Variants in PHKG1 observed in about 807,000 individuals in gnomAD.
PHKG1 encodes phosphorylase kinase catalytic subunit gamma 1, also known as phosphorylase b kinase gamma catalytic chain, skeletal muscle/heart isoform.
PHKG1 carries 48 observed loss-of-function variants against 50.5 expected under a neutral mutation model. The ratio of observed to expected loss-of-function variants is 0.95; its 90% CI spans 0.75 to 1.21. PHKG1 has a LOEUF of 1.21. Ranked by LOEUF, PHKG1 falls within the 50% of genes most tolerant of loss-of-function variation. The probability of loss-of-function intolerance (pLI) is 0.00; values close to 1 mark genes in which losing one functional copy is unlikely to be tolerated. For synonymous variants in PHKG1, 204 were observed against 212.8 expected, an observed-to-expected ratio of 0.96 and a Z score of 0.36; for missense variants, 487 against 519.5, an observed-to-expected ratio of 0.94 and a Z score of 0.61.
intron 3 of PHKG1, 138 bp downstream of exon 3, chr7:56,087,460 G>A (rs1796304727): frequency 6.7e-6 from 5 of 746,972 alleles, no homozygotes; most frequent in Admixed American, 4.9e-5. Flanking sequence ...TTCTATCAGA[G>A]CAGTGAGGGT....
intron 4 of PHKG1, among the ~76,000 whole-genome samples, chr7:56,084,860 A>AGCTGCCTT (rs1349585850): frequency 1.3e-5 from 2 of 152,184 alleles, no homozygotes; most frequent in African/African-American, 2.4e-5. Flanking sequence ...GCAGCATTAA[A>AGCTGCCTT]AATAGCTTCC....
At chr7:56,085,017 G>A (rs2117566506) in intron 4 of PHKG1, among the ~76,000 whole-genome samples, 1 of 152,068 alleles carries the variant, frequency 6.6e-6, no homozygotes, top group Non-Finnish European at 1.5e-5. Flanking sequence ...CTGGAGTGCA[G>A]TGGCACGATC....
rs1795937359 is a variant in PHKG1 at position 56,080,856 on chromosome 7, G to A, written c.*198C>T. The A allele has an allele frequency of 3.1e-6, 2 of 640,912 alleles. No homozygotes were observed. Among genetic ancestry groups the A allele is most frequent in the Non-Finnish European group, 5.3e-6 (2 of 376,142 alleles). The allele number at this position is 640,912 out of a possible 1,614,324, so 39.7% of individuals were successfully genotyped here. A position where few individuals can be genotyped will look rare whatever the true frequency, so the allele number is the denominator to read the frequency against. ...ACCCAGGGCCTGCCCCAGCCTGCAGGTATTGCTGTGTGGTGGGAACACCCA... is the reference window on the plus strand; with the variant it reads ...ACCCAGGGCCTGCCCCAGCCTGCAGATATTGCTGTGTGGTGGGAACACCCA... On this transcript the variant is annotated 3_prime_UTR_variant, in exon 10 of 10. Coordinates refer to ENST00000297373, the MANE Select transcript of PHKG1 (RefSeq NM_006213.5).
chr7:56,090,839 G>A (rs1261634748), intron 1 of PHKG1, among the ~76,000 whole-genome samples: 1 of 152,178 alleles, frequency 6.6e-6, no homozygotes, highest in Non-Finnish European at 1.5e-5. Context: ...ACTCAGGCCT[G>A]TACACAGAGG....
intron 4 of PHKG1, 127 bp from the exon 5 acceptor site, chr7:56,083,842 C>G: frequency 1.4e-6 from 1 of 701,442 alleles, no homozygotes; most frequent in South Asian, 1.6e-5. Context: ...CGTGGAGAAC[C>G]ACAGTCTGGG....
chr7:56,081,118 C>T lies in PHKG1; in HGVS notation c.1100G>A (p.Arg367Gln), dbSNP rs372047445. The change falls in exon 10 of 10, where the codon CGG becomes CAG. Residue 367 changes from arginine (R) to glutamine (Q), a missense_variant. Coordinates refer to ENST00000297373, the MANE Select transcript of PHKG1 (RefSeq NM_006213.5). The surrounding 1 kb of genome is among the most constrained non-coding windows in gnomAD (Gnocchi z 4.6). ...GGGTGTGTTCTCGAAAAGGGCTGCC[C>T]GGTTCTGCTGCTGCCCCTTCTTCAC... Reference protein sequence around the residue: ...HWVKKGQQQNRAALFENTPKA... With the variant: ...HWVKKGQQQNQAALFENTPKA... 33 of 1,613,578 alleles carry T rather than the reference C, an allele frequency of 2.0e-5. No individual in the cohort carries two copies. The highest frequency in any genetic ancestry group is 1.5e-4 in the African/African-American group (11 of 74,904).
rs201025938 is a variant in PHKG1 at position 56,081,644 on chromosome 7, G to A, written c.904C>T (p.Arg302Trp). The stretch of plus-strand genomic sequence containing the variant: ...ACGCTTAGTACCTTGAACTTCCCCC[G>A]GGGGCTGAAGTGCCGCACTTCCTCC... ...LVEEVRHFSPRGKFKVIALTV... is the reference protein window; with the variant it reads ...LVEEVRHFSPWGKFKVIALTV... Residue 302 changes from arginine to tryptophan, a missense_variant, in exon 9 of 10, where the codon CGG becomes TGG. Coordinates refer to ENST00000297373, the MANE Select transcript of PHKG1 (RefSeq NM_006213.5). The surrounding 1 kb of genome is among the most constrained non-coding windows in gnomAD (Gnocchi z 4.6). The A allele has an allele frequency of 3.5e-5, 57 of 1,613,340 alleles. No individual in the cohort carries two copies. Among genetic ancestry groups the A allele is most frequent in the South Asian group, 5.5e-5 (5 of 91,072 alleles).
chr7:56,081,951 C>G lies in PHKG1; in HGVS notation c.734G>C (p.Gly245Ala). The G allele has an allele frequency of 6.2e-7, 1 of 1,613,902 alleles. No homozygotes were observed. The highest frequency in any genetic ancestry group is 8.5e-7 in the Non-Finnish European group (1 of 1,180,016). ...QMLMLRMIMS[G>A]NYQFGSPEWD... Reference sequence around the variant, plus strand: ...CTCGGGCGAGCCAAACTGGTAGTTGCCGCTCATGATCATCCTCAGCATCAG... The same window carrying G: ...CTCGGGCGAGCCAAACTGGTAGTTGGCGCTCATGATCATCCTCAGCATCAG... The change falls in exon 8 of 10, where the codon GGC becomes GCC. Residue 245 changes from glycine to alanine, a missense_variant. Coordinates refer to ENST00000297373, the MANE Select transcript of PHKG1 (RefSeq NM_006213.5). The surrounding 1 kb of genome is among the most constrained non-coding windows in gnomAD (Gnocchi z 4.6).
chr7:56,088,345 C>T (rs1172134765), intron 2 of PHKG1, among the ~76,000 whole-genome samples: 1 of 113,986 alleles, frequency 8.8e-6, no homozygotes, highest in Non-Finnish European at 2.0e-5. Context: ...TGTGCCTGGC[C>T]CCCCCTTTTT....
chr7:56,087,356 G>A (rs1372469438), intron 3 of PHKG1, among the ~76,000 whole-genome samples: 1 of 151,920 alleles, frequency 6.6e-6, no homozygotes, highest in East Asian at 1.9e-4. Flanking sequence ...CGAGTGGCTG[G>A]GATTACAGGC....
In PHKG1 at chr7:56,091,656, C is replaced by G. The variant is rs1436590206; in HGVS notation, c.-35+1180G>C. Among the ~76,000 whole-genome samples, 6 of 152,246 alleles carry G rather than the reference C, an allele frequency of 3.9e-5. No individual in the cohort carries two copies. In the South Asian group the frequency reaches 8.3e-4, roughly 21 times the overall value. On this transcript the variant is annotated intron_variant, in intron 1 of 9. Transcript: ENST00000297373. ...AAGCTGCCTCCAACCCCCTTTCCCC[C>G]ACTGCTTCTGGGCCTAAGAAGGCCT...
In PHKG1 at chr7:56,080,975, G is replaced by C. The variant is rs1206828609; in HGVS notation, c.*79C>G. 1.3e-6 allele frequency: 2 copies of C among 1,525,138 alleles called. No homozygotes were observed. Among genetic ancestry groups the C allele is most frequent in the African/African-American group, 1.4e-5 (1 of 73,428 alleles). 94.5% of individuals were successfully genotyped at this position (1,525,138 alleles called of 1,614,324 possible). A position where few individuals can be genotyped will look rare whatever the true frequency, so the allele number is the denominator to read the frequency against. ...GTGCTCCTTCTGCAGAGGCCTGCAC[G>C]CATCTCACCCCTTTGACTTGTATTT... On this transcript the variant is annotated 3_prime_UTR_variant, in exon 10 of 10. Coordinates refer to ENST00000297373, the MANE Select transcript of PHKG1 (RefSeq NM_006213.5).
chr7:56,091,046 C>T (rs6966609), intron 1 of PHKG1, among the ~76,000 whole-genome samples: 104,166 of 151,904 alleles, frequency 0.69, 35,834 homozygotes, highest in East Asian at 0.71. Context: ...ACCCCATCTC[C>T]GCAAAAAATA....
Position 56,081,428 on chromosome 7 carries a change from C to G in PHKG1, c.919-129G>C, listed in dbSNP as rs1028609715. On this transcript the variant is annotated intron_variant, in intron 9 of 9. Coordinates refer to ENST00000297373, the MANE Select transcript of PHKG1 (RefSeq NM_006213.5). This position sits in a 1 kb window ranked among gnomAD's most constrained non-coding sequence, Gnocchi z 4.6. Reference sequence around the variant, plus strand: ...GGCTTCTGCGGGGCCTTCCTAGTGTCCCCCACTTCCCACTTGGCCAGCATC... The same window carrying G: ...GGCTTCTGCGGGGCCTTCCTAGTGTGCCCCACTTCCCACTTGGCCAGCATC... 8 of 1,300,192 alleles carry G rather than the reference C, an allele frequency of 6.2e-6. No individual in the cohort carries two copies. In the Admixed American group the frequency reaches 1.7e-4, roughly 27 times the overall value. 80.5% of individuals were successfully genotyped at this position (1,300,192 alleles called of 1,614,324 possible). A position where few individuals can be genotyped will look rare whatever the true frequency, so the allele number is the denominator to read the frequency against.
rs1562874683 is a variant in PHKG1 at position 56,080,706 on chromosome 7, A to C, written c.*348T>G. 1 of 319,904 alleles carries C rather than the reference A, an allele frequency of 3.1e-6. No individual in the cohort carries two copies. The highest frequency in any genetic ancestry group is 7.3e-5 in the East Asian group (1 of 13,706). The allele number at this position is 319,904 out of a possible 1,614,324, so 19.8% of individuals were successfully genotyped here. A position where few individuals can be genotyped will look rare whatever the true frequency, so the allele number is the denominator to read the frequency against. On this transcript the variant is annotated 3_prime_UTR_variant, in exon 10 of 10. Transcript: ENST00000297373. The stretch of plus-strand genomic sequence containing the variant: ...TCTTTGATCCTCACCCTGTGACCCT[A>C]AGGGAAGAAAGCCTGAGTGTCAGTA...
Position 56,081,375 on chromosome 7 carries a change from T to C in PHKG1, c.919-76A>G, listed in dbSNP as rs1327779735. On this transcript the variant is annotated intron_variant, in intron 9 of 9. Coordinates refer to ENST00000297373, the MANE Select transcript of PHKG1 (RefSeq NM_006213.5). This position sits in a 1 kb window ranked among gnomAD's most constrained non-coding sequence, Gnocchi z 4.6. Reference sequence around the variant, plus strand: ...CTGCCCCTCCAGCACAGGGACGCTCTGGGCTCGTTTGCCACGAAGCCTTGG... The same window carrying C: ...CTGCCCCTCCAGCACAGGGACGCTCCGGGCTCGTTTGCCACGAAGCCTTGG... The C allele has an allele frequency of 2.7e-6, 4 of 1,506,058 alleles. No individual in the cohort carries two copies. In the African/African-American group the frequency reaches 4.2e-5, roughly 16 times the overall value. The allele number at this position is 1,506,058 out of a possible 1,614,324, so 93.3% of individuals were successfully genotyped here.
At chr7:56,084,220 C>T (rs1189247030) in intron 4 of PHKG1, 3 of 1,532,938 alleles carry the variant, frequency 2.0e-6, no homozygotes, top group Non-Finnish European at 2.6e-6. Flanking sequence ...TCTGTTCCAT[C>T]TCCATTGTAT....
chr7:56,080,881 A>C lies in PHKG1; in HGVS notation c.*173T>G. ...GTATTGCTGTGTGGTGGGAACACCC[A>C]CTTCCCTTGTGCACAGCCTTTGAGA... On this transcript the variant is annotated 3_prime_UTR_variant, in exon 10 of 10. Coordinates refer to ENST00000297373, the MANE Select transcript of PHKG1 (RefSeq NM_006213.5). 1 of 744,378 alleles carries C rather than the reference A, an allele frequency of 1.3e-6. No individual in the cohort carries two copies. The highest frequency in any genetic ancestry group is 2.1e-6 in the Non-Finnish European group (1 of 467,444). 46.1% of individuals were successfully genotyped at this position (744,378 alleles called of 1,614,324 possible).
rs1248592797 is a variant in PHKG1, at chr7:56,083,650, C to T, written c.383G>A (p.Arg128Lys). 6.3e-7 allele frequency: 1 copy of T among 1,580,754 alleles called. No individual in the cohort carries two copies. Among genetic ancestry groups the T allele is most frequent in the Non-Finnish European group, 8.6e-7 (1 of 1,160,316 alleles). The change falls in exon 5 of 10, where the codon AGA (arginine) becomes AAA (lysine). Residue 128 changes from arginine (R) to lysine (K), a missense_variant and splice_region_variant. Physicochemically the swap from Arg to Lys is conservative, Grantham distance 26. Coordinates refer to ENST00000297373, the MANE Select transcript of PHKG1 (RefSeq NM_006213.5). ...GAGAGAAGGGCAAAGGGACCCTCAC[C>T]TGGTTTCCTTCTCACTCAAGGTGAC... ...EKVTLSEKETRKIMRALLEVI... is the reference protein window; with the variant it reads ...EKVTLSEKETKKIMRALLEVI...
Sources: gnomAD v4.1 joint callset for allele counts (sites outside exome capture counted in the v4.1 genomes callset) on GRCh38, gnomAD v4.1.1 for gene constraint, Gnocchi (gnomAD v3.1) non-coding constraint, MANE v1.5 for transcripts, NCBI Gene and HGNC (gene_info 2026-07-23, HGNC 2026-07-21) for gene names.